KBTBD3: variants seen among roughly 807,000 people sequenced by gnomAD.
KBTBD3 encodes kelch repeat and BTB domain containing 3.
Under a neutral mutation model 49.6 loss-of-function variants are expected in KBTBD3, and 38 were observed. That is an observed-to-expected ratio of 0.77 (90% confidence interval 0.59 to 1.00). The LOEUF (loss-of-function observed/expected upper bound fraction) is 1.00. KBTBD3 is among the 50% of genes least tolerant of loss of function. The pLI is 0.00. For missense variants in KBTBD3, 661 were observed against 712.0 expected, an observed-to-expected ratio of 0.93 and a Z score of 0.81; for synonymous variants, 214 against 250.4, an observed-to-expected ratio of 0.85 and a Z score of 1.37.
intron 2 of KBTBD3, chr11:106,075,394 A>G (rs1861006950): frequency 6.6e-6 from 1 of 152,240 alleles, no homozygotes; most frequent in South Asian, 2.1e-4. Context: ...GGAGTCATTA[A>G]TAACATTTAC....
rs13328919 is a variant in KBTBD3, at chr11:106,059,181, T to G, written c.-12-72A>C. ...TTTCAGACTCCAAAATTCGCCCTCT[T>G]GATGGCAAATACACAAAAATAACCA... On this transcript the variant is annotated intron_variant, in intron 2 of 3. Transcript: ENST00000531837. 1,714 of 723,832 alleles carry G rather than the reference T, an allele frequency of 2.4e-3. 27 individuals are homozygous for G. The African/African-American group carries it at 0.029, about 12-fold the overall frequency. 44.8% of individuals were successfully genotyped at this position (723,832 alleles called of 1,614,324 possible).
chr11:106,060,679 C>T (rs1192547253), intron 2 of KBTBD3, among the ~76,000 whole-genome samples: 1 of 152,102 alleles, frequency 6.6e-6, no homozygotes, highest in Middle Eastern at 3.2e-3. Context: ...AACCCCAAAC[C>T]ATAAGAGACC....
At chr11:106,075,576 G>T (rs1238480660) in intron 2 of KBTBD3, 2 of 152,180 alleles carry the variant, frequency 1.3e-5, no homozygotes, top group East Asian at 1.9e-4. Context: ...TTTGGAAAAA[G>T]GTACTCTGAA....
intron 2 of KBTBD3, among the ~76,000 whole-genome samples, chr11:106,071,263 G>C (rs924092037): frequency 7.9e-5 from 12 of 152,022 alleles, no homozygotes; most frequent in African/African-American, 2.7e-4. Flanking sequence ...GACTAAAGGA[G>C]ATACTTCCAA....
At chr11:106,055,447 A>T (rs1389059967) in intron 3 of KBTBD3, among the ~76,000 whole-genome samples, 1 of 152,234 alleles carries the variant, frequency 6.6e-6, no homozygotes, top group African/African-American at 2.4e-5. Flanking sequence ...CTATTTAAAA[A>T]GTACAACATC....
chr11:106,057,645 C>T (rs1860582478), intron 3 of KBTBD3: 1 of 159,500 alleles, frequency 6.3e-6, no homozygotes, highest in East Asian at 1.8e-4. Flanking sequence ...ATAGGACATT[C>T]TCTTTAGGGT....
chr11:106,059,352 T>C (rs1685077925), intron 2 of KBTBD3, among the ~76,000 whole-genome samples: 1 of 152,244 alleles, frequency 6.6e-6, no homozygotes, highest in Non-Finnish European at 1.5e-5. Flanking sequence ...GAAGGCTATA[T>C]AATTGTGTTA....
Position 106,057,784 on chromosome 11 carries a change from G to A in KBTBD3, c.233+1081C>T, listed in dbSNP as rs1468986448. The A allele has an allele frequency of 5.6e-5, 19 of 340,250 alleles. No homozygotes were observed. In the East Asian group the frequency reaches 8.4e-4, roughly 15 times the overall value. 21.1% of individuals were successfully genotyped at this position (340,250 alleles called of 1,614,324 possible). On this transcript the variant is annotated intron_variant, in intron 3 of 3. Coordinates refer to ENST00000531837, the MANE Select transcript of KBTBD3 (RefSeq NM_198439.3). ...TATAAGGAGAGGATGAATTTGCTAAGGAGAGGATAAATTTTTAAATCGGTT... is the reference window on the plus strand; with the variant it reads ...TATAAGGAGAGGATGAATTTGCTAAAGAGAGGATAAATTTTTAAATCGGTT...
chr11:106,066,883 A>G (rs1860819738), intron 2 of KBTBD3, among the ~76,000 whole-genome samples: 1 of 152,128 alleles, frequency 6.6e-6, no homozygotes, highest in African/African-American at 2.4e-5. Flanking sequence ...ATAAACATAT[A>G]TATACATACA....
chr11:106,074,124 A>G (rs1357836130), intron 2 of KBTBD3, among the ~76,000 whole-genome samples: 1 of 118,982 alleles, frequency 8.4e-6, no homozygotes, highest in East Asian at 3.0e-4. Context: ...CCCCCCCCAC[A>G]CACATACCCC....
chr11:106,060,814 C>T (rs980691077), intron 2 of KBTBD3, among the ~76,000 whole-genome samples: 4 of 152,136 alleles, frequency 2.6e-5, no homozygotes, highest in African/African-American at 9.7e-5. Context: ...AACTAAAGAG[C>T]TTCTGCATAG....
At chr11:106,071,728 A>T (rs1438137167) in intron 2 of KBTBD3, among the ~76,000 whole-genome samples, 1 of 152,164 alleles carries the variant, frequency 6.6e-6, no homozygotes, top group Non-Finnish European at 1.5e-5. Context: ...CAACTAGAGA[A>T]ATAGTCCTAA....
In KBTBD3 at chr11:106,059,045, T is replaced by G. The variant is rs779392975; in HGVS notation, c.53A>C (p.Asn18Thr). ...GTTTTTCTTCTCAGATGGAATTCCA[T>G]TACATGTGCTTCGTTGATTGAAAGC... ...SYAFNQRSTCNGIPSEKKNNF... is the reference protein window; with the variant it reads ...SYAFNQRSTCTGIPSEKKNNF... The change falls in exon 3 of 4, where the codon AAT becomes ACT. Residue 18 changes from asparagine to threonine, a missense_variant. Coordinates refer to ENST00000531837, the MANE Select transcript of KBTBD3 (RefSeq NM_198439.3). The G allele has an allele frequency of 3.2e-6, 5 of 1,555,108 alleles. No homozygotes were observed. In the African/African-American group the frequency reaches 7.1e-5, roughly 22 times the overall value.
intron 2 of KBTBD3, among the ~76,000 whole-genome samples, chr11:106,073,258 CTTTTT>C (rs374062847): frequency 1.8e-5 from 2 of 113,110 alleles, no homozygotes; most frequent in South Asian, 3.3e-4. Context: ...GCACACTCAG[CTTTTT>C]TTTTTTTTTT....
intron 2 of KBTBD3, chr11:106,076,279 C>T (rs372004769): frequency 2.6e-5 from 4 of 152,216 alleles, no homozygotes; most frequent in South Asian, 2.1e-4. Context: ...GCAGCTGACA[C>T]AGGCTTTTGG....
chr11:106,053,104 A>T lies in KBTBD3; in HGVS notation c.1585T>A (p.Cys529Ser). 1 of 1,613,758 alleles carries T rather than the reference A, an allele frequency of 6.2e-7. No individual in the cohort carries two copies. ...YKVYSFCPDT[C>S]VWKGEGSFEC... Reference sequence around the variant, plus strand: ...AAAGATCCTTCGCCTTTCCAAACACAAGTGTCTGGACAAAAACTATAAACC... The same window carrying T: ...AAAGATCCTTCGCCTTTCCAAACACTAGTGTCTGGACAAAAACTATAAACC... Residue 529 changes from cysteine to serine, a missense_variant, in exon 4 of 4, where the codon TGT (cysteine) becomes AGT (serine). Physicochemically the swap from Cys to Ser is moderately radical, Grantham distance 112. Coordinates refer to ENST00000531837, the MANE Select transcript of KBTBD3 (RefSeq NM_198439.3).
intron 2 of KBTBD3, among the ~76,000 whole-genome samples, chr11:106,069,929 C>A (rs1352853714): frequency 6.6e-6 from 1 of 151,976 alleles, no homozygotes; most frequent in Non-Finnish European, 1.5e-5. Flanking sequence ...CAGTGGAATG[C>A]AATACACAAT....
rs760029608 is a variant in KBTBD3, at chr11:106,053,816, G to A, written c.873C>T (p.Ser291=). ...SGGLFPDARP[S]TTEKYIFIHK... ...GAATGAATATGTATTTCTCAGTTGTGGATGGTCGAGCATCAGGGAAGAGTC... is the reference window on the plus strand; with the variant it reads ...GAATGAATATGTATTTCTCAGTTGTAGATGGTCGAGCATCAGGGAAGAGTC... Residue 291 remains serine (S), a synonymous_variant, in exon 4 of 4, where the codon TCC becomes TCT. Transcript: ENST00000531837. The A allele has an allele frequency of 9.3e-6, 15 of 1,613,834 alleles. No homozygotes were observed. In the South Asian group the frequency reaches 1.6e-4, roughly 18 times the overall value.
intron 2 of KBTBD3, among the ~76,000 whole-genome samples, chr11:106,074,276 T>C (rs189003863): frequency 6.6e-6 from 1 of 152,272 alleles, no homozygotes; most frequent in African/African-American, 2.4e-5. Flanking sequence ...TACCATTCCA[T>C]TTTTCTACTT....
Sources: allele counts gnomAD v4.1 joint callset (sites outside exome capture counted in the v4.1 genomes callset), GRCh38; gene constraint gnomAD v4.1.1; transcripts MANE v1.5; gene names NCBI Gene and HGNC (gene_info 2026-07-23, HGNC 2026-07-21).